LOXL2: variants seen among roughly 807,000 people sequenced by gnomAD.
LOXL2 encodes lysyl oxidase homolog 2.
LOXL2 carries 70 observed loss-of-function variants against 93.0 expected under a neutral mutation model. That is an observed-to-expected ratio of 0.75 (90% CI 0.62 to 0.92). LOXL2 has a LOEUF of 0.92. Ranked by LOEUF, LOXL2 falls within the 40% of genes least tolerant of loss-of-function variation. LOXL2 has a pLI of 0.00. For synonymous variants in LOXL2, 438 were observed against 413.2 expected (o/e 1.06, Z -0.73); for missense variants, 973 against 1,054.9 (o/e 0.92, Z 1.08).
At chr8:23,323,638 T>C (rs540083670) in intron 6 of LOXL2, among the ~76,000 whole-genome samples, 3 of 151,760 alleles carry the variant, frequency 2.0e-5, no homozygotes, top group African/African-American at 7.3e-5. Context: ...GCTTTAGCTC[T>C]ACCTTCCTCA....
chr8:23,319,598 T>C (rs561381287), intron 8 of LOXL2, among the ~76,000 whole-genome samples: 1 of 151,998 alleles, frequency 6.6e-6, no homozygotes. Flanking sequence ...GAGCCCAGGG[T>C]GAACCCCAGT....
chr8:23,309,322 C>T (rs1803284379), intron 10 of LOXL2, among the ~76,000 whole-genome samples: 2 of 152,322 alleles, frequency 1.3e-5, no homozygotes, highest in East Asian at 1.9e-4. Context: ...AGCAACTGCA[C>T]AGCCTGGAGT....
intron 1 of LOXL2, among the ~76,000 whole-genome samples, chr8:23,396,753 G>A (rs556595697): frequency 1.7e-4 from 26 of 152,194 alleles, no homozygotes; most frequent in African/African-American, 6.0e-4. Context: ...ATCTTGAGGT[G>A]TAATTGAAGC....
At position 23,334,060 on chromosome 8, in the gene LOXL2, T is replaced by C. The variant is rs79912854; in HGVS notation, c.744-437A>G. Among the ~76,000 whole-genome samples the C allele has an allele frequency of 3.0e-3, 453 of 152,316 alleles. 8 individuals carry two copies. Among genetic ancestry groups the C allele is most frequent in the Admixed American group, 0.028 (427 of 15,298 alleles). ...AAATTTGTTGTCATTCTTTTTTTTT[T>C]CTGAGACAGAGTCTCACTCTATTCC... is the stretch of plus-strand genomic sequence containing the variant. On this transcript the variant is annotated intron_variant, in intron 4 of 13. Transcript: ENST00000389131.
intron 3 of LOXL2, among the ~76,000 whole-genome samples, chr8:23,357,802 C>T (rs1433920312): frequency 6.6e-6 from 1 of 152,174 alleles, no homozygotes; most frequent in African/African-American, 2.4e-5. Context: ...TTAGGCAGAA[C>T]AAGCTGTGAA....
intron 1 of LOXL2, among the ~76,000 whole-genome samples, chr8:23,389,601 T>C (rs1804811582): frequency 6.6e-6 from 1 of 152,148 alleles, no homozygotes; most frequent in Admixed American, 6.5e-5. Context: ...GCAATAAAAA[T>C]TCCTAGTCAT....
In LOXL2 at chr8:23,333,461, C is replaced by T. The variant is rs1277508472; in HGVS notation, c.906G>A (p.Val302=). 1 of 1,613,966 alleles carries T rather than the reference C, an allele frequency of 6.2e-7. No individual in the cohort carries two copies. Among genetic ancestry groups the T allele is most frequent in the South Asian group, 1.1e-5 (1 of 91,080 alleles). ...ENGLPAVVSC[V]PGQVFSPDGP... The stretch of plus-strand genomic sequence containing the variant: ...CGTCAGGGCTGAAGACCTGCCCAGG[C>T]ACACAACTCACCACGGCCGGTAGCC... Residue 302 remains valine, a synonymous_variant, in exon 5 of 14, where the codon GTG becomes GTA. Coordinates refer to ENST00000389131, the MANE Select transcript of LOXL2 (RefSeq NM_002318.3).
At chr8:23,356,332 A>G (rs1273250252) in intron 3 of LOXL2, among the ~76,000 whole-genome samples, 1 of 152,194 alleles carries the variant, frequency 6.6e-6, no homozygotes, top group African/African-American at 2.4e-5. Context: ...TATCCACAAA[A>G]ATTTAATAGC....
chr8:23,299,769 C>T (rs1000576308), intron 12 of LOXL2, among the ~76,000 whole-genome samples: 2 of 152,182 alleles, frequency 1.3e-5, no homozygotes, highest in Non-Finnish European at 2.9e-5. Flanking sequence ...GGGGCGGGTA[C>T]AGGCTGCTCG....
In LOXL2 at chr8:23,326,357, G is replaced by A. The variant is rs113854865; in HGVS notation, c.1150+2025C>T. 1.1e-3 allele frequency among the ~76,000 whole-genome samples: 160 copies of A among 152,288 alleles called. 2 individuals carry two copies. Among genetic ancestry groups the A allele is most frequent in the African/African-American group, 3.7e-3 (154 of 41,552 alleles). ...TGATAAATGGAATGTTTATGTCATC[G>A]AGGGCCTGTTTATTCCTCAGAATGA... On this transcript the variant is annotated intron_variant, in intron 6 of 13. Transcript: ENST00000389131.
chr8:23,398,902 G>A (rs1800126071), intron 1 of LOXL2, among the ~76,000 whole-genome samples: 1 of 152,168 alleles, frequency 6.6e-6, no homozygotes, highest in African/African-American at 2.4e-5. Flanking sequence ...GCTGGTCACG[G>A]TAGAAGGGCT....
chr8:23,332,661 C>A (rs183562851), intron 5 of LOXL2, among the ~76,000 whole-genome samples: 13 of 44,670 alleles, frequency 2.9e-4, no homozygotes, highest in African/African-American at 4.4e-4. Flanking sequence ...GCTCATACAC[C>A]CCCCCACACT....
intron 2 of LOXL2, among the ~76,000 whole-genome samples, chr8:23,361,444 G>GT (rs933336462): frequency 1.3e-5 from 2 of 152,102 alleles, no homozygotes; most frequent in African/African-American, 4.8e-5. Flanking sequence ...CTTACCTCCT[G>GT]TTTTTTTGCC....
At chr8:23,392,450 C>T (rs1348373113) in intron 1 of LOXL2, among the ~76,000 whole-genome samples, 1 of 152,178 alleles carries the variant, frequency 6.6e-6, no homozygotes, top group Non-Finnish European at 1.5e-5. Flanking sequence ...CCTGCAGGTC[C>T]TCGCTTTTAC....
rs772406204 is a variant in LOXL2 at position 23,302,351 on chromosome 8, TTC to T, written c.1997-190_1997-189del. On this transcript the variant is annotated intron_variant, in intron 11 of 13. Transcript: ENST00000389131. ...CAATTCCCTACCCACATCCTGCCTC[TTC>T]TCTCAGGCCAGGCTCAAGTTCCCCT... is the stretch of plus-strand genomic sequence containing the variant. Among the ~76,000 whole-genome samples the T allele has an allele frequency of 1.1e-4, 17 of 152,254 alleles. No individual in the cohort carries two copies. The East Asian group carries it at 2.9e-3, about 26-fold the overall frequency.
At chr8:23,309,200 G>A (rs1314403562) in intron 10 of LOXL2, among the ~76,000 whole-genome samples, 2 of 151,960 alleles carry the variant, frequency 1.3e-5, no homozygotes, top group Non-Finnish European at 2.9e-5. Flanking sequence ...AGCCAGAATG[G>A]GCTTGATCTC....
intron 7 of LOXL2, 54 bp from the exon 8 acceptor site, chr8:23,320,106 C>A (rs13254579): frequency 0.75 from 1,192,507 of 1,582,320 alleles, 450,024 homozygotes; most frequent in Non-Finnish European, 0.76. Flanking sequence ...GAGCTTCCCC[C>A]CTACGCTGCC....
At chr8:23,302,699 T>C (rs561904863) in intron 11 of LOXL2, among the ~76,000 whole-genome samples, 312 of 152,290 alleles carry the variant, frequency 2.0e-3, no homozygotes, top group African/African-American at 7.2e-3. Context: ...CTGCCATGCC[T>C]GGACACTGCT....
chr8:23,401,298 C>G (rs192992469), intron 1 of LOXL2, among the ~76,000 whole-genome samples: 99 of 152,236 alleles, frequency 6.5e-4, no homozygotes, highest in African/African-American at 2.3e-3. Context: ...CACAAATCAA[C>G]AGAACTCAGA....
Sources: gnomAD v4.1 joint callset for allele counts (sites outside exome capture counted in the v4.1 genomes callset) on GRCh38, gnomAD v4.1.1 for gene constraint, MANE v1.5 for transcripts, NCBI Gene and HGNC (gene_info 2026-07-23, HGNC 2026-07-21) for gene names.